The following MACROD2 variants were observed in gnomAD, a reference collection of about 807,000 sequenced individuals.
MACROD2 encodes the protein ADP-ribose glycohydrolase MACROD2.
In MACROD2, 36 loss-of-function variants were observed where a neutral mutation model predicts 70.4. The observed-to-expected ratio is 0.51, with a 90% CI of 0.39 to 0.68. The LOEUF (loss-of-function observed/expected upper bound fraction) is 0.68, where lower values mean the gene tolerates loss of function less well. MACROD2 is among the 30% of genes least tolerant of loss of function. The pLI is 0.00. For synonymous variants in MACROD2, 172 were observed against 178.8 expected (o/e 0.96, Z 0.30); for missense variants, 496 against 538.4 (o/e 0.92, Z 0.78).
intron 5 of MACROD2, among the ~76,000 whole-genome samples, chr20:14,777,921 AT>A (rs1287113813): frequency 6.6e-6 from 1 of 152,076 alleles, no homozygotes; most frequent in Non-Finnish European, 1.5e-5. Context: ...AAATCTCTTT[AT>A]TTTAGGGAAA....
At chr20:14,570,391 G>A (rs1443490167) in intron 4 of MACROD2, among the ~76,000 whole-genome samples, 1 of 151,850 alleles carries the variant, frequency 6.6e-6, no homozygotes, top group Non-Finnish European at 1.5e-5. Flanking sequence ...CTTGAGTGCT[G>A]GTGGTCTGTT....
intron 5 of MACROD2, among the ~76,000 whole-genome samples, chr20:15,228,033 AC>A (rs1164056813): frequency 6.6e-6 from 1 of 151,922 alleles, no homozygotes; most frequent in Non-Finnish European, 1.5e-5. Flanking sequence ...AAGGCTAAGC[AC>A]CATCTCCTTC....
chr20:14,408,785 C>T (rs2083717934), intron 3 of MACROD2, among the ~76,000 whole-genome samples: 1 of 152,138 alleles, frequency 6.6e-6, no homozygotes, highest in Non-Finnish European at 1.5e-5. Context: ...TATTTCAGAT[C>T]AAGTAAAGTT....
intron 7 of MACROD2, among the ~76,000 whole-genome samples, chr20:15,456,994 C>A (rs1036180142): frequency 1.3e-5 from 2 of 150,980 alleles, no homozygotes; most frequent in African/African-American, 4.9e-5. Flanking sequence ...GCCAGACAGG[C>A]TAGCACCTGC....
At chr20:14,323,497 T>TAGGC (rs1331691292) in intron 3 of MACROD2, 1 of 152,134 alleles carries the variant, frequency 6.6e-6, no homozygotes, top group African/African-American at 2.4e-5. Flanking sequence ...CTTGATTACA[T>TAGGC]AGGCATGCTT....
intron 5 of MACROD2, among the ~76,000 whole-genome samples, chr20:14,985,157 C>T (rs1470987207): frequency 6.6e-6 from 1 of 152,188 alleles, no homozygotes; most frequent in Non-Finnish European, 1.5e-5. Context: ...AATTTCAAAA[C>T]TCCCAAGACA....
intron 3 of MACROD2, among the ~76,000 whole-genome samples, chr20:14,137,110 G>T (rs538701880): frequency 6.6e-6 from 1 of 152,106 alleles, no homozygotes; most frequent in East Asian, 1.9e-4. Flanking sequence ...CAAGAGTTAG[G>T]GGCACAGACG....
At chr20:15,950,994 A>C (rs562145350) in intron 12 of MACROD2, among the ~76,000 whole-genome samples, 2 of 152,094 alleles carry the variant, frequency 1.3e-5, no homozygotes, top group Non-Finnish European at 2.9e-5. Context: ...AGTTTGGGAA[A>C]CCATTCCACA....
intron 5 of MACROD2, among the ~76,000 whole-genome samples, chr20:15,097,474 CAG>C (rs1375420288): frequency 6.6e-6 from 1 of 152,078 alleles, no homozygotes; most frequent in African/African-American, 2.4e-5. Context: ...TATAGCATAA[CAG>C]ATGTCTTTCA....
intron 3 of MACROD2, among the ~76,000 whole-genome samples, chr20:14,131,856 G>A (rs966032861): frequency 7.9e-5 from 12 of 152,050 alleles, no homozygotes; most frequent in Non-Finnish European, 1.2e-4. Context: ...TCTCGGCCGC[G>A]CGCGGTGGCT....
At chr20:15,425,457 T>G (rs1463485438) in intron 6 of MACROD2, among the ~76,000 whole-genome samples, 1 of 152,124 alleles carries the variant, frequency 6.6e-6, no homozygotes, top group Non-Finnish European at 1.5e-5. Flanking sequence ...CTTGCTTGAG[T>G]CAGTGAAATG....
chr20:14,555,190 T>G (rs1168919743), intron 4 of MACROD2, among the ~76,000 whole-genome samples: 2 of 152,072 alleles, frequency 1.3e-5, no homozygotes, highest in Non-Finnish European at 2.9e-5. Flanking sequence ...TGTGATTATT[T>G]TACATTGCAT....
At chr20:14,612,038 G>C (rs1017191560) in intron 4 of MACROD2, among the ~76,000 whole-genome samples, 1 of 152,056 alleles carries the variant, frequency 6.6e-6, no homozygotes, top group African/African-American at 2.4e-5. Flanking sequence ...TGCTTGCCTA[G>C]ATTTTGCAGT....
At chr20:15,589,211 G>A (rs528505336) in intron 8 of MACROD2, among the ~76,000 whole-genome samples, 28 of 152,130 alleles carry the variant, frequency 1.8e-4, no homozygotes, top group Non-Finnish European at 3.2e-4. Context: ...CACGAGAATA[G>A]CATAGGAAAG....
intron 5 of MACROD2, among the ~76,000 whole-genome samples, chr20:15,197,745 G>A (rs916315678): frequency 6.6e-6 from 1 of 152,132 alleles, no homozygotes; most frequent in African/African-American, 2.4e-5. Context: ...TGCCCAGGCT[G>A]GAGTGCAGTG....
At chr20:15,969,325 A>C (rs371926747) in intron 13 of MACROD2, among the ~76,000 whole-genome samples, 58 of 152,288 alleles carry the variant, frequency 3.8e-4, no homozygotes, top group African/African-American at 3.8e-4. Context: ...AAAATACCCC[A>C]AAAAATGAGG....
chr20:15,588,053 G>A (rs2048626640), intron 8 of MACROD2, among the ~76,000 whole-genome samples: 1 of 152,204 alleles, frequency 6.6e-6, no homozygotes, highest in Admixed American at 6.5e-5. Flanking sequence ...CCCTGCTCCT[G>A]CAGCAAACTT....
chr20:15,352,689 G>C (rs925199368), intron 6 of MACROD2, among the ~76,000 whole-genome samples: 1 of 152,072 alleles, frequency 6.6e-6, no homozygotes, highest in Non-Finnish European at 1.5e-5. Context: ...AAAATCACAA[G>C]CATTCTTATA....
At chr20:16,004,936 GCACCCTAAACT>G (rs2066767727) in intron 15 of MACROD2, among the ~76,000 whole-genome samples, 1 of 152,202 alleles carries the variant, frequency 6.6e-6, no homozygotes, top group East Asian at 1.9e-4. Flanking sequence ...GTATACACCT[GCACCCTAAACT>G]CACTAAGTCA....
Sources: gnomAD v4.1 joint callset for allele counts (sites outside exome capture counted in the v4.1 genomes callset) on GRCh38, gnomAD v4.1.1 for gene constraint, MANE v1.5 for transcripts, NCBI Gene and HGNC (gene_info 2026-07-23, HGNC 2026-07-21) for gene names.